CYP2C8: variants seen among roughly 807,000 people sequenced by gnomAD.
CYP2C8 encodes the protein cytochrome P450 2C8.
Under a neutral mutation model 41.3 loss-of-function variants are expected in CYP2C8, and 51 were observed. The observed-to-expected ratio is 1.24, with a 90% confidence interval of 0.99 to 1.56. The LOEUF is 1.56. CYP2C8 is among the 40% of genes most tolerant of loss of function. The probability of loss-of-function intolerance (pLI) is 0.00; values close to 1 mark genes in which losing one functional copy is unlikely to be tolerated. For synonymous variants in CYP2C8, 218 were observed against 205.8 expected (o/e 1.06, Z -0.51); for missense variants, 651 against 579.9 (o/e 1.12, Z -1.26).
At chr10:95,064,686 A>T in intron 4 of CYP2C8, 114 bp downstream of exon 4, 1 of 1,030,344 alleles carries the variant, frequency 9.7e-7, no homozygotes, top group Non-Finnish European at 1.4e-6. Context: ...CTTCACTCAT[A>T]CATCATTTTT....
At chr10:95,064,729 C>T in intron 4 of CYP2C8, 71 bp downstream of exon 4, 1 of 1,463,776 alleles carries the variant, frequency 6.8e-7, no homozygotes, top group South Asian at 1.2e-5. Context: ...TCAATTTTCT[C>T]ATTTTTAAAC....
chr10:95,056,737 T>G (rs1372429266), intron 5 of CYP2C8, among the ~76,000 whole-genome samples: 1 of 151,960 alleles, frequency 6.6e-6, no homozygotes, highest in African/African-American at 2.4e-5. Flanking sequence ...CATGATGGAG[T>G]TGGGAATGAG....
Position 95,067,633 on chromosome 10 carries a change from A to C in CYP2C8, c.227T>G (p.Val76Gly), listed in dbSNP as rs1366993620. 6.2e-7 allele frequency: 1 copy of C among 1,613,952 alleles called. No homozygotes were observed. The highest frequency in any genetic ancestry group is 1.3e-5 in the African/African-American group (1 of 74,916). The part of the protein sequence containing the change: ...TVYFGMNPIV[V>G]FHGYEAVKEA... ...CTTCACTGCCTCATATCCATGAAAC[A>C]CCACTATGGGATTCATGCCAAAATA... Residue 76 changes from valine to glycine, a missense_variant, in exon 2 of 9, where the codon GTG becomes GGG. Transcript: ENST00000371270.
intron 1 of CYP2C8, 27 bp downstream of exon 1, chr10:95,069,208 G>T (rs775566324): frequency 4.3e-6 from 7 of 1,613,376 alleles, no homozygotes; most frequent in Non-Finnish European, 5.9e-6. Flanking sequence ...CTTTGCAATT[G>T]GCTGGAGGAA....
At chr10:95,041,598 G>A (rs1275684331) in intron 7 of CYP2C8, among the ~76,000 whole-genome samples, 1 of 151,080 alleles carries the variant, frequency 6.6e-6, no homozygotes, top group East Asian at 1.9e-4. Flanking sequence ...TGGCTAACAA[G>A]GTGAAACCCC....
intron 5 of CYP2C8, among the ~76,000 whole-genome samples, chr10:95,054,185 TA>T (rs1323345285): frequency 6.6e-6 from 1 of 151,734 alleles, no homozygotes; most frequent in Non-Finnish European, 1.5e-5. Context: ...TGGATTTTTT[TA>T]AAAAAAATTA....
chr10:95,054,578 GAAAT>G (rs1307696668), intron 5 of CYP2C8, among the ~76,000 whole-genome samples: 2 of 152,008 alleles, frequency 1.3e-5, no homozygotes, highest in African/African-American at 4.8e-5. Flanking sequence ...ACAAGAAAGA[GAAAT>G]AAAAGGCATT....
intron 4 of CYP2C8, among the ~76,000 whole-genome samples, chr10:95,063,879 T>C (rs2033496330): frequency 6.6e-6 from 1 of 152,214 alleles, no homozygotes; most frequent in Non-Finnish European, 1.5e-5. Context: ...CAGCCGCGAG[T>C]CTGCTGGAGG....
intron 7 of CYP2C8, 180 bp from the exon 8 acceptor site, chr10:95,039,218 C>G (rs762614305): frequency 1.1e-5 from 7 of 625,190 alleles, no homozygotes; most frequent in Non-Finnish European, 1.4e-5. Context: ...AAGAGCTTTC[C>G]AATCACATTT....
At chr10:95,057,127 C>A (rs1433235563) in intron 5 of CYP2C8, among the ~76,000 whole-genome samples, 3 of 152,042 alleles carry the variant, frequency 2.0e-5, no homozygotes, top group Non-Finnish European at 4.4e-5. Context: ...GGAGGTAACT[C>A]CTGGGTGTTG....
At chr10:95,038,844 T>C in intron 8 of CYP2C8, 53 bp downstream of exon 8, 1 of 1,587,796 alleles carries the variant, frequency 6.3e-7, no homozygotes, top group Non-Finnish European at 8.6e-7. Context: ...TCCAACTAAT[T>C]CCAAAAAGTT....
intron 5 of CYP2C8, among the ~76,000 whole-genome samples, chr10:95,052,772 C>A (rs115769970): frequency 0.045 from 6,746 of 151,282 alleles, 228 homozygotes; most frequent in Middle Eastern, 0.16. Flanking sequence ...CTAAAAAAAA[C>A]AGGGTATAGA....
intron 5 of CYP2C8, among the ~76,000 whole-genome samples, chr10:95,052,240 C>G (rs919110686): frequency 4.6e-5 from 7 of 151,960 alleles, no homozygotes; most frequent in African/African-American, 1.7e-4. Flanking sequence ...ATACAACCTA[C>G]TGAAATTGAA....
Position 95,067,526 on chromosome 10 carries a change from T to A in CYP2C8, c.331+3A>T, listed in dbSNP as rs1410814222. 6.2e-7 allele frequency: 1 copy of A among 1,614,002 alleles called. No individual in the cohort carries two copies. The highest frequency in any genetic ancestry group is 8.5e-7 in the Non-Finnish European group (1 of 1,180,004). On this transcript the variant is annotated splice_donor_region_variant and intron_variant, in intron 2 of 8. Transcript: ENST00000371270. ...AAGCTGACACAGAAATATGTGCACC[T>A]ACCAAGTCCTTTAGTAATTCTTTGA... is the stretch of plus-strand genomic sequence containing the variant.
intron 7 of CYP2C8, among the ~76,000 whole-genome samples, chr10:95,042,292 T>C (rs542548501): frequency 6.6e-6 from 1 of 152,284 alleles, no homozygotes; most frequent in East Asian, 1.9e-4. Context: ...ATTCCAAGTA[T>C]ATCTACAGAT....
At chr10:95,058,784 C>T (rs2033362882) in intron 4 of CYP2C8, among the ~76,000 whole-genome samples, 1 of 152,062 alleles carries the variant, frequency 6.6e-6, no homozygotes, top group Admixed American at 6.6e-5. Flanking sequence ...CCAATGCTAT[C>T]CCTTCCCCCT....
At chr10:95,063,097 G>T (rs375188746) in intron 4 of CYP2C8, among the ~76,000 whole-genome samples, 36 of 152,136 alleles carry the variant, frequency 2.4e-4, no homozygotes, top group African/African-American at 8.0e-4. Context: ...CAACTTTGGT[G>T]AATCTGACAA....
At chr10:95,042,134 G>A (rs1487651931) in intron 7 of CYP2C8, among the ~76,000 whole-genome samples, 1 of 152,060 alleles carries the variant, frequency 6.6e-6, no homozygotes, top group Non-Finnish European at 1.5e-5. Context: ...ATGAAATAAG[G>A]ATGCCCTCTA....
chr10:95,052,104 CAG>C (rs986837733), intron 5 of CYP2C8, among the ~76,000 whole-genome samples: 2 of 151,860 alleles, frequency 1.3e-5, no homozygotes, highest in African/African-American at 4.8e-5. Flanking sequence ...CCAAATAAGT[CAG>C]AGATGAAAAA....
Sources: allele counts gnomAD v4.1 joint callset (sites outside exome capture counted in the v4.1 genomes callset), GRCh38; gene constraint gnomAD v4.1.1; transcripts MANE v1.5; gene names NCBI Gene and HGNC (gene_info 2026-07-23, HGNC 2026-07-21).